Variants in RABGEF1 observed in about 807,000 individuals in gnomAD.
The protein encoded by RABGEF1 is RAB guanine nucleotide exchange factor 1.
In RABGEF1, 26 loss-of-function variants were observed where a neutral mutation model predicts 57.3. The ratio of observed to expected loss-of-function variants is 0.45; its 90% CI spans 0.33 to 0.63. The LOEUF is 0.63. Ranked by LOEUF, RABGEF1 falls within the 20% of genes least tolerant of loss-of-function variation. The probability of loss-of-function intolerance (pLI) is 0.02; values close to 1 mark genes in which losing one functional copy is unlikely to be tolerated. For missense variants in RABGEF1, 464 were observed against 607.6 expected, an observed-to-expected ratio of 0.76 and a Z score of 2.48; for synonymous variants, 185 against 210.7, an observed-to-expected ratio of 0.88 and a Z score of 1.06.
At chr7:66,780,806 G>A (rs576846369) in intron 3 of RABGEF1, among the ~76,000 whole-genome samples, 2 of 152,010 alleles carry the variant, frequency 1.3e-5, no homozygotes, top group African/African-American at 4.8e-5. Context: ...TTTTGTTCTT[G>A]GTAATATGGT....
At chr7:66,688,339 A>G (rs1301610567) in intron 1 of RABGEF1, among the ~76,000 whole-genome samples, 3 of 152,192 alleles carry the variant, frequency 2.0e-5, no homozygotes, top group Non-Finnish European at 4.4e-5. Context: ...TGACCTCACT[A>G]CCTCAACTTT....
chr7:66,767,176 T>C (rs1562815737), intron 1 of RABGEF1, among the ~76,000 whole-genome samples: 1 of 151,908 alleles, frequency 6.6e-6, no homozygotes, highest in Non-Finnish European at 1.5e-5. Context: ...CTAATTTTTG[T>C]ATGTTTAATA....
At chr7:66,683,648 A>G (rs1790132004) in intron 1 of RABGEF1, among the ~76,000 whole-genome samples, 1 of 152,164 alleles carries the variant, frequency 6.6e-6, no homozygotes, top group Non-Finnish European at 1.5e-5. Context: ...TTGAAGAATG[A>G]GTAACATTCA....
At chr7:66,804,926 G>A (rs1788114561) in intron 7 of RABGEF1, among the ~76,000 whole-genome samples, 1 of 152,196 alleles carries the variant, frequency 6.6e-6, no homozygotes, top group East Asian at 1.9e-4. Flanking sequence ...TTAGAGAAAT[G>A]TGCTTGTAGG....
At chr7:66,765,341 T>G (rs1223303642) in intron 1 of RABGEF1, among the ~76,000 whole-genome samples, 1 of 152,214 alleles carries the variant, frequency 6.6e-6, no homozygotes, top group African/African-American at 2.4e-5. Flanking sequence ...TTGTTATTGT[T>G]TCTGTCTAAT....
At chr7:66,655,803 T>C in the RABGEF1 span, among the ~76,000 whole-genome samples, 1 of 152,254 alleles carries the variant, frequency 6.6e-6, no homozygotes. Flanking sequence ...GATTCATATC[T>C]GCAGGATTAA....
intron 1 of RABGEF1, among the ~76,000 whole-genome samples, chr7:66,767,708 C>T (rs1806098906): frequency 6.6e-6 from 1 of 152,172 alleles, no homozygotes; most frequent in Non-Finnish European, 1.5e-5. Flanking sequence ...CCTGTCTCCC[C>T]CTCCCACCAT....
At chr7:66,657,182 C>T in the RABGEF1 span, among the ~76,000 whole-genome samples, 2 of 152,160 alleles carry the variant, frequency 1.3e-5, no homozygotes, top group African/African-American at 4.8e-5. Flanking sequence ...CCAACAACAG[C>T]AAAATACACA....
intron 2 of RABGEF1, among the ~76,000 whole-genome samples, chr7:66,720,190 TATTA>T (rs1423883139): frequency 4.1e-4 from 37 of 90,048 alleles, no homozygotes; most frequent in South Asian, 3.6e-3. Flanking sequence ...TTATTATTAT[TATTA>T]TTTTTTTTTT....
chr7:66,755,379 G>A (rs952071999), intron 1 of RABGEF1, among the ~76,000 whole-genome samples: 3 of 152,178 alleles, frequency 2.0e-5, no homozygotes, highest in Non-Finnish European at 4.4e-5. Flanking sequence ...GGAAGCTAAG[G>A]TGGAGAGGAT....
At chr7:66,672,530 A>G in the RABGEF1 span, among the ~76,000 whole-genome samples, 5 of 152,222 alleles carry the variant, frequency 3.3e-5, no homozygotes, top group African/African-American at 1.2e-4. Flanking sequence ...CTCAGGTTCC[A>G]TGTTTGTGAA....
chr7:66,777,557 A>C (rs1332126247), intron 3 of RABGEF1, among the ~76,000 whole-genome samples: 1 of 152,156 alleles, frequency 6.6e-6, no homozygotes, highest in African/African-American at 2.4e-5. Flanking sequence ...GTGTCCCAAA[A>C]GCCTCTGTAC....
At chr7:66,754,572 T>C (rs1201666906) in intron 1 of RABGEF1, among the ~76,000 whole-genome samples, 5 of 151,878 alleles carry the variant, frequency 3.3e-5, no homozygotes, top group African/African-American at 1.2e-4. Context: ...GGTGAGACCT[T>C]GTAGCTACAT....
chr7:66,713,165 G>A (rs1378026916), intron 2 of RABGEF1, among the ~76,000 whole-genome samples: 72 of 135,398 alleles, frequency 5.3e-4, no homozygotes, highest in Middle Eastern at 9.4e-3. Flanking sequence ...TTTTTGAGAC[G>A]TAGTCTCCCT....
At chr7:66,661,482 C>T in the RABGEF1 span, among the ~76,000 whole-genome samples, 2 of 151,670 alleles carry the variant, frequency 1.3e-5, no homozygotes, top group Non-Finnish European at 2.9e-5. Flanking sequence ...GGCAAACCAG[C>T]TGGGCATGGT....
At chr7:66,705,733 G>A (rs1435070462) in intron 1 of RABGEF1, among the ~76,000 whole-genome samples, 1 of 148,982 alleles carries the variant, frequency 6.7e-6, no homozygotes, top group Non-Finnish European at 1.5e-5. Context: ...TTTTTGAGAC[G>A]GAGTCTTGCT....
chr7:66,767,946 C>A lies in RABGEF1; in HGVS notation c.-17-3937C>A, dbSNP rs541829169. On this transcript the variant is annotated intron_variant, in intron 1 of 8. Coordinates refer to ENST00000284957, the MANE Select transcript of RABGEF1 (RefSeq NM_014504.3). ...ATCAAAGTTGTTGGGTGTACTGATA[C>A]CTGTTGTTGTTGTTTTCCTGAGTAG... is the stretch of plus-strand genomic sequence containing the variant. 2.0e-5 allele frequency among the ~76,000 whole-genome samples: 3 copies of A among 152,226 alleles called. No homozygotes were observed. In the South Asian group the frequency reaches 6.2e-4, roughly 32 times the overall value.
chr7:66,757,920 AT>A (rs72302243), intron 1 of RABGEF1, among the ~76,000 whole-genome samples: 1 of 150,222 alleles, frequency 6.7e-6, no homozygotes. Flanking sequence ...CGACCAAAAC[AT>A]TTTTTTTTGC....
chr7:66,787,296 A>T (rs1811408671), intron 4 of RABGEF1, among the ~76,000 whole-genome samples: 1 of 144,640 alleles, frequency 6.9e-6, no homozygotes. Flanking sequence ...GGCCTCCCAA[A>T]ATCTTGGGGT....
Sources: allele counts gnomAD v4.1 joint callset (sites outside exome capture counted in the v4.1 genomes callset), GRCh38; gene constraint gnomAD v4.1.1; transcripts MANE v1.5; gene names NCBI Gene and HGNC (gene_info 2026-07-23, HGNC 2026-07-21).